Variants in BOC observed in about 807,000 individuals in gnomAD.
BOC encodes the protein brother of CDO.
In BOC, 76 loss-of-function variants were observed where a neutral mutation model predicts 112.0. That is an observed-to-expected ratio of 0.68 (90% CI 0.56 to 0.82). The LOEUF (loss-of-function observed/expected upper bound fraction) is 0.82, where lower values mean the gene tolerates loss of function less well. Ranked by LOEUF, BOC falls within the 40% of genes least tolerant of loss-of-function variation. BOC has a pLI of 0.00. For missense variants in BOC, 1,309 were observed against 1,511.7 expected (o/e 0.87, Z 2.22); for synonymous variants, 580 against 599.8 (o/e 0.97, Z 0.48).
At chr3:113,251,928 C>A (rs12492273) in intron 4 of BOC, 31,495 of 152,094 alleles carry the variant, frequency 0.21, 3,979 homozygotes, top group East Asian at 0.46. Context: ...TTTCTAGTTG[C>A]CATTATACTT....
At chr3:113,223,851 G>A (rs775681973) in intron 2 of BOC, among the ~76,000 whole-genome samples, 5 of 152,316 alleles carry the variant, frequency 3.3e-5, no homozygotes, top group Middle Eastern at 3.4e-3. Context: ...GAGACCCCTC[G>A]CCCGCAACCA....
rs773357862 is a variant in BOC, at chr3:113,286,999, GTA to G, written c.*141_*142del. ...TATATTTATGCACTTGTAAATAAAT[GTA>G]TATGTTTTATAATTCTGGAGAGACA... is the stretch of plus-strand genomic sequence containing the variant. On this transcript the variant is annotated 3_prime_UTR_variant, in exon 20 of 20. Transcript: ENST00000682979. The G allele has an allele frequency of 6.2e-6, 6 of 965,422 alleles. No homozygotes were observed. In the South Asian group the frequency reaches 7.3e-5, roughly 12 times the overall value. 59.8% of individuals were successfully genotyped at this position (965,422 alleles called of 1,614,324 possible). A position where few individuals can be genotyped will look rare whatever the true frequency, so the allele number is the denominator to read the frequency against.
In BOC at chr3:113,278,823, T is replaced by A. The variant is rs1010588301; in HGVS notation, c.1816+40T>A. 1 of 1,524,020 alleles carries A rather than the reference T, an allele frequency of 6.6e-7. No individual in the cohort carries two copies. Among genetic ancestry groups the A allele is most frequent in the African/African-American group, 1.4e-5 (1 of 72,344 alleles). 94.4% of individuals were successfully genotyped at this position (1,524,020 alleles called of 1,614,324 possible). A position where few individuals can be genotyped will look rare whatever the true frequency, so the allele number is the denominator to read the frequency against. ...GCAGGGACGGACGCGCAGTCAGGACTGGAACTGCCTCAGAGGCCTGTTCCC... is the reference window on the plus strand; with the variant it reads ...GCAGGGACGGACGCGCAGTCAGGACAGGAACTGCCTCAGAGGCCTGTTCCC... On this transcript the variant is annotated intron_variant, in intron 11 of 19. Transcript: ENST00000682979. This position sits in a 1 kb window ranked among gnomAD's most constrained non-coding sequence, Gnocchi z 4.2.
rs761876559 is a variant in BOC at position 113,284,855 on chromosome 3, C to T, written c.2963C>T (p.Thr988Met). 14 of 1,613,940 alleles carry T rather than the reference C, an allele frequency of 8.7e-6. No individual in the cohort carries two copies. The highest frequency in any genetic ancestry group is 4.5e-5 in the East Asian group (2 of 44,884). ...NGYDPQSHQI[T>M]RGPKSSPDEG... ...TATGACCCCCAAAGTCACCAGATCACGAGGTAACCAGGCCTCTCCCCTTTC... is the reference window on the plus strand; with the variant it reads ...TATGACCCCCAAAGTCACCAGATCATGAGGTAACCAGGCCTCTCCCCTTTC... Residue 988 changes from threonine to methionine, a missense_variant, in exon 18 of 20, where the codon ACG becomes ATG. By Grantham distance (81) the Thr-to-Met change is moderately conservative. Coordinates refer to ENST00000682979, the MANE Select transcript of BOC (RefSeq NM_001378074.1).
intron 2 of BOC, among the ~76,000 whole-genome samples, chr3:113,231,527 G>C (rs1482460384): frequency 6.6e-6 from 1 of 152,190 alleles, no homozygotes; most frequent in Non-Finnish European, 1.5e-5. Flanking sequence ...AAAAAGGATA[G>C]TTTTGTCAAA....
intron 5 of BOC, among the ~76,000 whole-genome samples, chr3:113,269,189 T>C (rs1162017110): frequency 6.6e-6 from 1 of 152,194 alleles, no homozygotes; most frequent in Non-Finnish European, 1.5e-5. Context: ...ATCTTTATAG[T>C]GGACTTCATT....
chr3:113,216,468 G>A (rs1414751335), intron 2 of BOC, 194 bp downstream of exon 2: 8 of 333,802 alleles, frequency 2.4e-5, no homozygotes, highest in Non-Finnish European at 4.8e-5. Flanking sequence ...AGCCTGTGAT[G>A]GCTATGTGAA....
intron 2 of BOC, among the ~76,000 whole-genome samples, chr3:113,228,438 C>T (rs1369105054): frequency 3.3e-5 from 5 of 152,098 alleles, no homozygotes; most frequent in African/African-American, 4.8e-5. Flanking sequence ...GCTCTCTGTG[C>T]CTGGCCCCCA....
chr3:113,269,794 A>G (rs1029012425), intron 5 of BOC: 6 of 152,226 alleles, frequency 3.9e-5, no homozygotes, highest in Non-Finnish European at 8.8e-5. Context: ...ACCAGGGCCA[A>G]GGGTTTCTCC....
At chr3:113,267,772 G>T (rs1434326538) in intron 4 of BOC, among the ~76,000 whole-genome samples, 1 of 152,180 alleles carries the variant, frequency 6.6e-6, no homozygotes, top group Non-Finnish European at 1.5e-5. Context: ...TTTTCGCCCA[G>T]GCCAGCGTGC....
chr3:113,218,976 C>CT (rs1384837199), intron 2 of BOC, among the ~76,000 whole-genome samples: 3 of 152,192 alleles, frequency 2.0e-5, no homozygotes, highest in Admixed American at 6.5e-5. Context: ...CAACCAGTCC[C>CT]TTTGTCACTG....
Position 113,249,730 on chromosome 3 carries a change from C to G in BOC, c.-73C>G. 1 of 1,271,158 alleles carries G rather than the reference C, an allele frequency of 7.9e-7. No individual in the cohort carries two copies. The highest frequency in any genetic ancestry group is 1.1e-6 in the Non-Finnish European group (1 of 900,320). The allele number at this position is 1,271,158 out of a possible 1,614,324, so 78.7% of individuals were successfully genotyped here. On this transcript the variant is annotated 5_prime_UTR_variant, in exon 3 of 20. Transcript: ENST00000682979. ...TTTCTCTCTTACAACAGAGTGTTGC[C>G]AGGGACGGCAGTATCTCTTTGTGTG...
Position 113,287,296 on chromosome 3 carries a change from C to T in BOC, c.*434C>T, listed in dbSNP as rs192037425. ...ACACAGATGGCTGGATCCGGTGCTA[C>T]GGGAAACATTTTCCTAAGATGCCCA... On this transcript the variant is annotated 3_prime_UTR_variant, in exon 20 of 20. Transcript: ENST00000682979. 10 of 300,624 alleles carry T rather than the reference C, an allele frequency of 3.3e-5. No homozygotes were observed. In the East Asian group the frequency reaches 4.3e-4, roughly 13 times the overall value. The allele number at this position is 300,624 out of a possible 1,614,324, so 18.6% of individuals were successfully genotyped here.
chr3:113,213,786 T>C (rs1314826519), intron 1 of BOC, among the ~76,000 whole-genome samples: 1 of 152,224 alleles, frequency 6.6e-6, no homozygotes, highest in Admixed American at 6.5e-5. Flanking sequence ...AGTAGAGTTA[T>C]TATTTTCCTG....
chr3:113,258,715 G>A (rs1275021658), intron 4 of BOC, among the ~76,000 whole-genome samples: 3 of 152,244 alleles, frequency 2.0e-5, no homozygotes, highest in Non-Finnish European at 4.4e-5. Flanking sequence ...GGGGCAGAGT[G>A]TGAGCCTGCT....
intron 2 of BOC, among the ~76,000 whole-genome samples, chr3:113,245,861 C>G (rs1032313187): frequency 2.6e-5 from 4 of 152,212 alleles, no homozygotes; most frequent in South Asian, 2.1e-4. Flanking sequence ...TGTTTTAGAT[C>G]ATAGAAGCTT....
Position 113,262,924 on chromosome 3 carries a change from G to A in BOC, c.377-5375G>A, listed in dbSNP as rs547298432. Among the ~76,000 whole-genome samples the A allele has an allele frequency of 4.6e-5, 7 of 152,328 alleles. No homozygotes were observed. The East Asian group carries it at 5.8e-4, about 13-fold the overall frequency. On this transcript the variant is annotated intron_variant, in intron 4 of 19. Coordinates refer to ENST00000682979, the MANE Select transcript of BOC (RefSeq NM_001378074.1). Reference sequence around the variant, plus strand: ...CTTCTCAGACTCTACAGCCAAGTCTGTCTGATAGCCATGAGCCAGAAGCTC... The same window carrying A: ...CTTCTCAGACTCTACAGCCAAGTCTATCTGATAGCCATGAGCCAGAAGCTC...
intron 14 of BOC, among the ~76,000 whole-genome samples, 180 bp downstream of exon 14, chr3:113,280,843 C>T (rs1949125198): frequency 6.6e-6 from 1 of 152,154 alleles, no homozygotes; most frequent in Non-Finnish European, 1.5e-5. Flanking sequence ...TTCATGAACC[C>T]ATGTGATGAT....
intron 2 of BOC, among the ~76,000 whole-genome samples, chr3:113,245,600 T>A (rs1325754772): frequency 1.3e-5 from 2 of 152,246 alleles, no homozygotes; most frequent in Non-Finnish European, 2.9e-5. Flanking sequence ...TTTAAGACAA[T>A]TGGGAAAGGT....
Sources: gnomAD v4.1 joint callset for allele counts (sites outside exome capture counted in the v4.1 genomes callset) on GRCh38, gnomAD v4.1.1 for gene constraint, Gnocchi (gnomAD v3.1) non-coding constraint, MANE v1.5 for transcripts, NCBI Gene and HGNC (gene_info 2026-07-23, HGNC 2026-07-21) for gene names.